CADPS: variants seen among roughly 807,000 people sequenced by gnomAD.
The protein encoded by CADPS is calcium-dependent secretion activator 1.
CADPS carries 57 observed loss-of-function variants against 167.3 expected under a neutral mutation model. That is an observed-to-expected ratio of 0.34 (90% CI 0.28 to 0.42). CADPS has a LOEUF of 0.42. Among genes scored for constraint, CADPS ranks in the 20% least tolerant of loss-of-function variants. The pLI, the probability that CADPS is intolerant of heterozygous loss-of-function variation, is 1.00. For missense variants in CADPS, 1,414 were observed against 1,738.1 expected, an observed-to-expected ratio of 0.81 and a Z score of 3.32; for synonymous variants, 676 against 635.3, an observed-to-expected ratio of 1.06 and a Z score of -0.96.
chr3:62,536,939 T>G (rs1264474117), intron 11 of CADPS, among the ~76,000 whole-genome samples: 1 of 152,138 alleles, frequency 6.6e-6, no homozygotes, highest in African/African-American at 2.4e-5. Flanking sequence ...CTATTTAGCT[T>G]TGCTGGTTTT....
intron 3 of CADPS, among the ~76,000 whole-genome samples, chr3:62,744,616 T>C (rs961497755): frequency 1.3e-5 from 2 of 152,184 alleles, no homozygotes; most frequent in African/African-American, 4.8e-5. Flanking sequence ...TGGCAAAAGG[T>C]AGAAAAAAGC....
intron 10 of CADPS, among the ~76,000 whole-genome samples, chr3:62,555,991 G>A (rs138159627): frequency 6.6e-6 from 1 of 152,056 alleles, no homozygotes; most frequent in East Asian, 1.9e-4. Context: ...GGTCTCAAGC[G>A]ATCCTCTCGC....
chr3:62,570,504 T>C (rs887902012), intron 9 of CADPS, among the ~76,000 whole-genome samples: 56 of 152,210 alleles, frequency 3.7e-4, no homozygotes, highest in African/African-American at 1.1e-3. Flanking sequence ...AGCCCTCACT[T>C]GGCATGAGCT....
chr3:62,466,275 T>C (rs2059925258), intron 25 of CADPS, 64 bp downstream of exon 25: 2 of 1,134,286 alleles, frequency 1.8e-6, no homozygotes, highest in Admixed American at 3.6e-5. Flanking sequence ...TACATTTTAA[T>C]GGAAATGGAG....
At chr3:62,680,491 A>C (rs2076983577) in intron 3 of CADPS, among the ~76,000 whole-genome samples, 1 of 151,960 alleles carries the variant, frequency 6.6e-6, no homozygotes, top group Non-Finnish European at 1.5e-5. Context: ...CACACATCTA[A>C]TCATTTGCCA....
At chr3:62,436,549 C>T (rs1034596287) in intron 28 of CADPS, among the ~76,000 whole-genome samples, 17 of 152,228 alleles carry the variant, frequency 1.1e-4, no homozygotes, top group Admixed American at 1.3e-4. Context: ...GATTGTGCCC[C>T]GGACATTCTA....
At position 62,585,305 on chromosome 3, in the gene CADPS, G is replaced by C; in HGVS notation, c.1457C>G (p.Pro486Arg). ...CCACTCTGACTGTTTGGGGCTGTTCGGGGTGGGATGGAGAATAACCTGTAG... is the reference window on the plus strand; with the variant it reads ...CCACTCTGACTGTTTGGGGCTGTTCCGGGTGGGATGGAGAATAACCTGTAG... The part of the protein sequence containing the change: ...ELGRVILHPT[P>R]NSPKQSEWHK... Residue 486 changes from proline (P) to arginine (R), a missense_variant, in exon 8 of 30, where the codon CCG becomes CGG. Transcript: ENST00000383710. 6.2e-7 allele frequency: 1 copy of C among 1,610,216 alleles called. No individual in the cohort carries two copies. The highest frequency in any genetic ancestry group is 8.5e-7 in the Non-Finnish European group (1 of 1,177,956).
chr3:62,777,383 T>C (rs2090559594), intron 1 of CADPS, among the ~76,000 whole-genome samples: 1 of 152,178 alleles, frequency 6.6e-6, no homozygotes, highest in Non-Finnish European at 1.5e-5. Flanking sequence ...TTCAGGCTGC[T>C]GGGGGATGTG....
chr3:62,852,377 G>C (rs939792076), intron 1 of CADPS, among the ~76,000 whole-genome samples: 1 of 152,088 alleles, frequency 6.6e-6, no homozygotes, highest in South Asian at 2.1e-4. Flanking sequence ...CGCTCACACT[G>C]GGAGCTGTAG....
intron 24 of CADPS, among the ~76,000 whole-genome samples, chr3:62,472,530 G>A (rs567758774): frequency 2.9e-4 from 44 of 152,304 alleles, no homozygotes; most frequent in African/African-American, 1.1e-3. Flanking sequence ...AGCAGCTTAG[G>A]TGGGTGGTGG....
At chr3:62,476,835 G>A (rs1407497792) in intron 23 of CADPS, among the ~76,000 whole-genome samples, 1 of 151,994 alleles carries the variant, frequency 6.6e-6, no homozygotes, top group Non-Finnish European at 1.5e-5. Flanking sequence ...CACGCAAAAA[G>A]TTTTTTTATG....
intron 6 of CADPS, among the ~76,000 whole-genome samples, chr3:62,593,240 A>T (rs1389182381): frequency 6.6e-6 from 1 of 152,176 alleles, no homozygotes; most frequent in African/African-American, 2.4e-5. Context: ...GATGAGTTGA[A>T]TAAGGAGATT....
chr3:62,516,501 A>C (rs1445001156), intron 15 of CADPS, 79 bp downstream of exon 15: 45 of 1,156,840 alleles, frequency 3.9e-5, no homozygotes, highest in Admixed American at 1.6e-4. Context: ...CAACTAGGTC[A>C]TTCAACCAAA....
chr3:62,546,085 C>G (rs1483592262), intron 11 of CADPS, among the ~76,000 whole-genome samples: 2 of 151,060 alleles, frequency 1.3e-5, no homozygotes, highest in Non-Finnish European at 2.9e-5. Flanking sequence ...TGACCCTTAC[C>G]TTTTTGGAAG....
chr3:62,507,094 C>A (rs541780862), intron 17 of CADPS, among the ~76,000 whole-genome samples: 1 of 152,140 alleles, frequency 6.6e-6, no homozygotes, highest in Non-Finnish European at 1.5e-5. Flanking sequence ...AGTAGTACTA[C>A]TAAGTACCCA....
chr3:62,820,470 A>T (rs1420120034), intron 1 of CADPS, among the ~76,000 whole-genome samples: 3 of 152,110 alleles, frequency 2.0e-5, no homozygotes, highest in African/African-American at 7.2e-5. Context: ...CCTATATTTT[A>T]TCCTTCAGAG....
intron 6 of CADPS, among the ~76,000 whole-genome samples, chr3:62,599,288 G>A (rs1248095510): frequency 6.6e-6 from 1 of 151,380 alleles, no homozygotes; most frequent in Admixed American, 6.6e-5. Context: ...TACTCACACT[G>A]TATGACTAGC....
rs528953168 is a variant in CADPS, at chr3:62,751,251, T to C, written c.888+2190A>G. Reference sequence around the variant, plus strand: ...AATACACTCCTGAAACTTAGATTACTAAAGACATAGAAATCAAAAAACCAT... The same window carrying C: ...AATACACTCCTGAAACTTAGATTACCAAAGACATAGAAATCAAAAAACCAT... On this transcript the variant is annotated intron_variant, in intron 3 of 29. Transcript: ENST00000383710. Among the ~76,000 whole-genome samples the C allele has an allele frequency of 2.0e-4, 30 of 152,296 alleles. No individual in the cohort carries two copies. The East Asian group carries it at 5.8e-3, about 29-fold the overall frequency.
chr3:62,736,659 G>T (rs761813407), intron 3 of CADPS, among the ~76,000 whole-genome samples: 11 of 152,156 alleles, frequency 7.2e-5, no homozygotes, highest in Non-Finnish European at 1.2e-4. Context: ...TATGTTGGTT[G>T]TTTCTTTAAA....
Sources: allele counts gnomAD v4.1 joint callset (sites outside exome capture counted in the v4.1 genomes callset), GRCh38; gene constraint gnomAD v4.1.1; transcripts MANE v1.5; gene names NCBI Gene and HGNC (gene_info 2026-07-23, HGNC 2026-07-21).